NTM: variants seen among roughly 807,000 people sequenced by gnomAD.
The protein encoded by NTM is neurotrimin.
In NTM, 13 loss-of-function variants were observed where a neutral mutation model predicts 42.1. The ratio of observed to expected loss-of-function variants is 0.31; its 90% confidence interval spans 0.20 to 0.49. NTM has a LOEUF of 0.49. NTM is among the 20% of genes least tolerant of loss of function. NTM has a pLI of 0.99. For missense variants in NTM, 373 were observed against 452.8 expected (o/e 0.82, Z 1.60); for synonymous variants, 187 against 179.2 (o/e 1.04, Z -0.35).
chr11:131,727,614 A>C (rs2079120053), intron 1 of NTM, among the ~76,000 whole-genome samples: 1 of 152,212 alleles, frequency 6.6e-6, no homozygotes, highest in Admixed American at 6.5e-5. Context: ...GTCTATGACA[A>C]CATCTAAGGA....
intron 1 of NTM, among the ~76,000 whole-genome samples, chr11:131,504,669 C>G (rs536614408): frequency 1.3e-5 from 2 of 152,090 alleles, no homozygotes; most frequent in Admixed American, 6.5e-5. Context: ...CCTTTCCAAA[C>G]TCTTCCTGGC....
chr11:131,673,950 G>A (rs2070877492), intron 1 of NTM, among the ~76,000 whole-genome samples: 1 of 152,216 alleles, frequency 6.6e-6, no homozygotes, highest in Admixed American at 6.5e-5. Context: ...AGAGAAAGAG[G>A]GTAGGGAGAT....
intron 1 of NTM, among the ~76,000 whole-genome samples, chr11:131,420,357 G>A (rs1947376409): frequency 6.6e-6 from 1 of 152,158 alleles, no homozygotes; most frequent in African/African-American, 2.4e-5. Context: ...GCTGAGAAAA[G>A]GGAGGAAACA....
At chr11:132,311,803 A>G (rs1460228983) in intron 6 of NTM, among the ~76,000 whole-genome samples, 1 of 152,228 alleles carries the variant, frequency 6.6e-6, no homozygotes, top group African/African-American at 2.4e-5. Flanking sequence ...AGAGGAAAAT[A>G]AAGCAAAAGT....
intron 2 of NTM, among the ~76,000 whole-genome samples, chr11:131,943,533 T>A (rs963294894): frequency 7.2e-5 from 11 of 152,206 alleles, no homozygotes; most frequent in African/African-American, 2.7e-4. Context: ...TCAGTCTGGG[T>A]TGGCGCCCTG....
At chr11:131,754,469 A>C (rs889515092) in intron 1 of NTM, among the ~76,000 whole-genome samples, 4 of 152,094 alleles carry the variant, frequency 2.6e-5, no homozygotes, top group Non-Finnish European at 5.9e-5. Context: ...CACTAAACAT[A>C]CAAAAATTAG....
At chr11:131,549,464 T>C (rs1468084930) in intron 1 of NTM, among the ~76,000 whole-genome samples, 2 of 152,222 alleles carry the variant, frequency 1.3e-5, no homozygotes, top group Non-Finnish European at 2.9e-5. Flanking sequence ...CAAAGGGTTG[T>C]CAACTGCCTA....
intron 1 of NTM, among the ~76,000 whole-genome samples, chr11:131,538,922 T>TTTTTC (rs386375298): frequency 1.2e-4 from 1 of 8,236 alleles, no homozygotes; most frequent in Non-Finnish European, 4.4e-4. Context: ...TTAACTTAGC[T>TTTTTC]TTTTTTTTTT....
chr11:131,787,559 T>G (rs1238270262), intron 1 of NTM, among the ~76,000 whole-genome samples: 1 of 151,952 alleles, frequency 6.6e-6, no homozygotes, highest in Non-Finnish European at 1.5e-5. Context: ...CTAATTTTTG[T>G]ATTTTTAGTA....
chr11:131,950,752 T>C (rs2060894928), intron 2 of NTM, among the ~76,000 whole-genome samples: 1 of 152,188 alleles, frequency 6.6e-6, no homozygotes, highest in South Asian at 2.1e-4. Context: ...GACTATTATT[T>C]CTCTTCAAAG....
At chr11:131,788,852 T>A (rs1271629465) in intron 1 of NTM, among the ~76,000 whole-genome samples, 1 of 152,136 alleles carries the variant, frequency 6.6e-6, no homozygotes, top group African/African-American at 2.4e-5. Context: ...CAAGGGTGGG[T>A]TTGAACACAT....
intron 1 of NTM, among the ~76,000 whole-genome samples, chr11:131,420,608 A>T (rs1947402420): frequency 6.6e-6 from 1 of 151,704 alleles, no homozygotes. Flanking sequence ...CACCTCCAAA[A>T]CTCCATGTTC....
intron 1 of NTM, among the ~76,000 whole-genome samples, chr11:131,421,581 G>T (rs1027019417): frequency 6.6e-6 from 1 of 152,294 alleles, no homozygotes; most frequent in Non-Finnish European, 1.5e-5. Context: ...GTTCCAGCCG[G>T]TTTCCCTAAG....
At chr11:131,513,183 C>A (rs1181624395) in intron 1 of NTM, among the ~76,000 whole-genome samples, 1 of 152,240 alleles carries the variant, frequency 6.6e-6, no homozygotes, top group South Asian at 2.1e-4. Flanking sequence ...AAGGCCTGAA[C>A]CCAAAGTGCA....
At chr11:131,852,952 A>G (rs1461718373) in intron 1 of NTM, among the ~76,000 whole-genome samples, 3 of 149,404 alleles carry the variant, frequency 2.0e-5, no homozygotes, top group African/African-American at 7.5e-5. Context: ...CCACCCATTC[A>G]TCCACTCATC....
At chr11:131,667,556 C>T (rs1484263331) in intron 1 of NTM, among the ~76,000 whole-genome samples, 2 of 152,186 alleles carry the variant, frequency 1.3e-5, no homozygotes, top group Non-Finnish European at 2.9e-5. Flanking sequence ...CTTTTGCCCC[C>T]AGTGAGCTTC....
rs551812715 is a variant in NTM, at chr11:131,666,931, G to A, written c.83-244633G>A. 1.6e-4 allele frequency among the ~76,000 whole-genome samples: 24 copies of A among 152,276 alleles called. No homozygotes were observed. The East Asian group carries it at 4.2e-3, about 27-fold the overall frequency. ...AAAGATCCAGGTCTCACATCTGAGC[G>A]ATTCAGCCCCATGCACTGGGGTCTG... is the stretch of plus-strand genomic sequence containing the variant. On this transcript the variant is annotated intron_variant, in intron 1 of 8. Coordinates refer to ENST00000683400, the MANE Select transcript of NTM (RefSeq NM_001352005.2).
At chr11:131,442,809 ATG>A (rs1433787798) in intron 1 of NTM, among the ~76,000 whole-genome samples, 1 of 151,732 alleles carries the variant, frequency 6.6e-6, no homozygotes, top group Non-Finnish European at 1.5e-5. Context: ...TATTATATAT[ATG>A]TGTGTGTATA....
chr11:132,061,128 T>C (rs2080600898), intron 2 of NTM, among the ~76,000 whole-genome samples: 1 of 152,328 alleles, frequency 6.6e-6, no homozygotes, highest in South Asian at 2.1e-4. Flanking sequence ...GTTGCAATTT[T>C]TGTTCAAAAA....
Sources: gnomAD v4.1 joint callset for allele counts (sites outside exome capture counted in the v4.1 genomes callset) on GRCh38, gnomAD v4.1.1 for gene constraint, MANE v1.5 for transcripts, NCBI Gene and HGNC (gene_info 2026-07-23, HGNC 2026-07-21) for gene names.